MITF: variants seen among roughly 807,000 people sequenced by gnomAD.
The protein encoded by MITF is microphthalmia-associated transcription factor.
MITF carries 17 observed loss-of-function variants against 60.5 expected under a neutral mutation model. That is an observed-to-expected ratio of 0.28 (90% CI 0.19 to 0.42). MITF has a LOEUF of 0.42. Among genes scored for constraint, MITF ranks in the 10% least tolerant of loss-of-function variants. The pLI is 1.00. For missense variants in MITF, 622 were observed against 683.5 expected (o/e 0.91, Z 1.00); for synonymous variants, 260 against 248.5 (o/e 1.05, Z -0.43).
intron 1 of MITF, among the ~76,000 whole-genome samples, chr3:69,834,739 G>C (rs953979247): frequency 6.6e-6 from 1 of 151,894 alleles, no homozygotes; most frequent in African/African-American, 2.4e-5. Context: ...AATTTTGTGA[G>C]GAACCTTCCT....
intron 1 of MITF, among the ~76,000 whole-genome samples, chr3:69,832,195 A>G (rs1204910015): frequency 1.3e-5 from 2 of 152,092 alleles, no homozygotes; most frequent in East Asian, 3.9e-4. Context: ...ATCTCTTAGG[A>G]GGTTGTAGAC....
intron 1 of MITF, chr3:69,866,171 T>G (rs1221423096): frequency 1.3e-6 from 2 of 1,541,828 alleles, no homozygotes; most frequent in African/African-American, 2.8e-5. Context: ...CAGAGCTGTG[T>G]TTGGATTGGA....
chr3:69,954,431 C>G (rs1313380772), intron 7 of MITF, among the ~76,000 whole-genome samples: 1 of 152,060 alleles, frequency 6.6e-6, no homozygotes, highest in African/African-American at 2.4e-5. Flanking sequence ...GGTAGTGAAT[C>G]AGTTTCAAAG....
chr3:69,828,481 G>A (rs1309526961), intron 1 of MITF, among the ~76,000 whole-genome samples: 1 of 151,922 alleles, frequency 6.6e-6, no homozygotes, highest in Non-Finnish European at 1.5e-5. Context: ...GAAACCACTT[G>A]TTACCTAAGT....
In MITF at chr3:69,811,058, G is replaced by A. The variant is rs199660788; in HGVS notation, c.105-68076G>A. Among the ~76,000 whole-genome samples the A allele has an allele frequency of 9.2e-5, 14 of 152,226 alleles. No individual in the cohort carries two copies. In the East Asian group the frequency reaches 2.3e-3, roughly 25 times the overall value. On this transcript the variant is annotated intron_variant, in intron 1 of 9. Transcript: ENST00000352241. ...TTAATTTTAAGGTTCTAAAGCAGTG[G>A]TTCTGAACTCTGACAACACATTAGA... is the stretch of plus-strand genomic sequence containing the variant.
chr3:69,938,563 G>T (rs778001557), intron 3 of MITF: 2 of 1,394,120 alleles, frequency 1.4e-6, no homozygotes, highest in South Asian at 1.8e-5. Flanking sequence ...TAACGGAAAC[G>T]CAAAGGTTTA....
At chr3:69,822,405 C>G (rs1282444766) in intron 1 of MITF, among the ~76,000 whole-genome samples, 1 of 152,292 alleles carries the variant, frequency 6.6e-6, no homozygotes. Flanking sequence ...AAGTTTCTTT[C>G]TTGGATTTTG....
chr3:69,814,981 C>A (rs535609331), intron 1 of MITF, among the ~76,000 whole-genome samples: 49 of 152,258 alleles, frequency 3.2e-4, no homozygotes, highest in Non-Finnish European at 6.3e-4. Context: ...CCCTAAATCG[C>A]ACTGTAAGGA....
At chr3:69,818,621 T>A (rs1466845532) in intron 1 of MITF, among the ~76,000 whole-genome samples, 1 of 152,190 alleles carries the variant, frequency 6.6e-6, no homozygotes, top group East Asian at 1.9e-4. Flanking sequence ...ATGTAGCATT[T>A]ATAATATAAG....
At chr3:69,874,948 A>G (rs1021893572) in intron 1 of MITF, among the ~76,000 whole-genome samples, 2 of 152,238 alleles carry the variant, frequency 1.3e-5, no homozygotes, top group African/African-American at 4.8e-5. Flanking sequence ...TTGAAGGTTA[A>G]GAATGTAAAT....
intron 1 of MITF, among the ~76,000 whole-genome samples, chr3:69,806,141 A>T (rs1031562295): frequency 6.6e-6 from 1 of 151,312 alleles, no homozygotes; most frequent in Non-Finnish European, 1.5e-5. Flanking sequence ...CTGGAGTGCA[A>T]TGGCATGATC....
intron 1 of MITF, among the ~76,000 whole-genome samples, chr3:69,833,416 C>T (rs1355755279): frequency 6.6e-6 from 1 of 151,596 alleles, no homozygotes; most frequent in African/African-American, 2.4e-5. Flanking sequence ...GGTGGTTTCC[C>T]CGTTTACACT....
At chr3:69,818,484 G>A (rs773409218) in intron 1 of MITF, among the ~76,000 whole-genome samples, 89 of 152,152 alleles carry the variant, frequency 5.8e-4, no homozygotes, top group Non-Finnish European at 9.4e-4. Flanking sequence ...ACTACTGTAT[G>A]CTTTCTACAA....
At chr3:69,954,419 G>C (rs2066346517) in intron 7 of MITF, among the ~76,000 whole-genome samples, 1 of 152,170 alleles carries the variant, frequency 6.6e-6, no homozygotes, top group African/African-American at 2.4e-5. Flanking sequence ...ATGGACATGG[G>C]AGGTAGTGAA....
chr3:69,950,335 A>T (rs1218639598), intron 6 of MITF, among the ~76,000 whole-genome samples: 1 of 151,486 alleles, frequency 6.6e-6, no homozygotes, highest in Admixed American at 6.6e-5. Context: ...CAACAACAAC[A>T]ACTTAAGAAT....
intron 2 of MITF, among the ~76,000 whole-genome samples, chr3:69,882,479 A>G (rs566626354): frequency 2.8e-4 from 42 of 152,264 alleles, no homozygotes; most frequent in African/African-American, 1.0e-3. Flanking sequence ...CTCTTTTACC[A>G]TAAATTAACC....
intron 1 of MITF, among the ~76,000 whole-genome samples, chr3:69,864,080 A>G (rs1414534937): frequency 2.6e-5 from 4 of 152,214 alleles, no homozygotes; most frequent in Admixed American, 2.6e-4. Flanking sequence ...TTTATTATGC[A>G]TCAGAGACAA....
intron 1 of MITF, among the ~76,000 whole-genome samples, chr3:69,861,276 C>G (rs763365123): frequency 3.3e-5 from 5 of 152,144 alleles, no homozygotes; most frequent in Non-Finnish European, 5.9e-5. Context: ...TTCTTTCCTT[C>G]TATCCATCTA....
intron 1 of MITF, among the ~76,000 whole-genome samples, chr3:69,836,074 T>G (rs1182202247): frequency 6.6e-6 from 1 of 152,166 alleles, no homozygotes; most frequent in Non-Finnish European, 1.5e-5. Flanking sequence ...GGATGGCCAT[T>G]TTAGCAATAT....
Sources: gnomAD v4.1 joint callset for allele counts (sites outside exome capture counted in the v4.1 genomes callset) on GRCh38, gnomAD v4.1.1 for gene constraint, MANE v1.5 for transcripts, NCBI Gene and HGNC (gene_info 2026-07-23, HGNC 2026-07-21) for gene names.